Variants in TBC1D14 observed in about 807,000 individuals in gnomAD.
TBC1D14 encodes the protein TBC1 domain family, member 14.
Under a neutral mutation model 79.0 loss-of-function variants are expected in TBC1D14, and 26 were observed. The observed-to-expected ratio is 0.33, with a 90% CI of 0.24 to 0.46. The LOEUF (loss-of-function observed/expected upper bound fraction) is 0.46, where lower values mean the gene tolerates loss of function less well. TBC1D14 is among the 20% of genes least tolerant of loss of function. The pLI, the probability that TBC1D14 is intolerant of heterozygous loss-of-function variation, is 1.00. For synonymous variants in TBC1D14, 394 were observed against 349.9 expected (o/e 1.13, Z -1.40); for missense variants, 769 against 887.6 (o/e 0.87, Z 1.70).
intron 13 of TBC1D14, among the ~76,000 whole-genome samples, chr4:7,026,730 C>T (rs1445149907): frequency 6.6e-6 from 1 of 152,068 alleles, no homozygotes; most frequent in Non-Finnish European, 1.5e-5. Flanking sequence ...GACCCCGTCT[C>T]TACAAAAAAT....
intron 1 of TBC1D14, among the ~76,000 whole-genome samples, chr4:6,911,440 C>T (rs940670863): frequency 1.1e-4 from 16 of 152,348 alleles, no homozygotes; most frequent in African/African-American, 3.6e-4. Flanking sequence ...CCTCGGTATC[C>T]TCCGCTGTTC....
At chr4:6,924,157 G>A (rs1204421180) in intron 2 of TBC1D14, 46 bp downstream of exon 2, 1 of 1,561,126 alleles carries the variant, frequency 6.4e-7, no homozygotes, top group East Asian at 2.3e-5. Context: ...GTTGAGTCCA[G>A]ACCAGTCTCC....
intron 3 of TBC1D14, among the ~76,000 whole-genome samples, chr4:6,976,405 GAC>G (rs1160745811): frequency 6.6e-6 from 1 of 152,088 alleles, no homozygotes; most frequent in African/African-American, 2.4e-5. Flanking sequence ...TGAAAATAAA[GAC>G]AAAAAAATCA....
chr4:6,972,324 T>C, intron 3 of TBC1D14, among the ~76,000 whole-genome samples: 1 of 152,228 alleles, frequency 6.6e-6, no homozygotes, highest in East Asian at 1.9e-4. Context: ...AAGCAATTCT[T>C]ATCTCTGAGG....
In TBC1D14 at chr4:6,923,382, G is replaced by A; in HGVS notation, c.-8G>A. 6.3e-7 allele frequency: 1 copy of A among 1,581,072 alleles called. No individual in the cohort carries two copies. The highest frequency in any genetic ancestry group is 1.1e-5 in the South Asian group (1 of 87,196). On this transcript the variant is annotated 5_prime_UTR_variant, in exon 2 of 14. Coordinates refer to ENST00000409757, the MANE Select transcript of TBC1D14 (RefSeq NM_020773.3). Reference sequence around the variant, plus strand: ...TTTGTGTTTTTTCTAGTTTCTCCTTGGACCAAGATGACTGATGGAAAACTC... The same window carrying A: ...TTTGTGTTTTTTCTAGTTTCTCCTTAGACCAAGATGACTGATGGAAAACTC...
chr4:7,011,249 AT>A (rs1297867161), intron 11 of TBC1D14, among the ~76,000 whole-genome samples: 1 of 151,292 alleles, frequency 6.6e-6, no homozygotes, highest in Non-Finnish European at 1.5e-5. Flanking sequence ...ATACTCCTTT[AT>A]TTTTTAAAAG....
chr4:7,000,543 G>A (rs1381861188), intron 6 of TBC1D14, among the ~76,000 whole-genome samples: 1 of 152,254 alleles, frequency 6.6e-6, no homozygotes, highest in Non-Finnish European at 1.5e-5. Context: ...CACCACGGGG[G>A]CCTGGTTTGC....
intron 2 of TBC1D14, among the ~76,000 whole-genome samples, chr4:6,941,180 CTTTTTTTTT>C (rs35201238): frequency 8.0e-5 from 7 of 87,758 alleles, no homozygotes; most frequent in African/African-American, 3.6e-4. Flanking sequence ...AGGAAAGCAG[CTTTTTTTTT>C]TTTTTTTTTT....
intron 2 of TBC1D14, among the ~76,000 whole-genome samples, chr4:6,953,820 C>A (rs1229975187): frequency 1.3e-5 from 2 of 152,118 alleles, no homozygotes; most frequent in Non-Finnish European, 2.9e-5. Flanking sequence ...CAGACCTGGC[C>A]GCTGCTTCAC....
At chr4:6,929,252 G>T (rs147796322) in intron 2 of TBC1D14, among the ~76,000 whole-genome samples, 5 of 152,238 alleles carry the variant, frequency 3.3e-5, no homozygotes, top group African/African-American at 1.2e-4. Context: ...GAGCTGAGGG[G>T]TACGTACTTT....
intron 11 of TBC1D14, among the ~76,000 whole-genome samples, chr4:7,012,961 A>G (rs570453946): frequency 6.6e-6 from 1 of 152,230 alleles, no homozygotes; most frequent in South Asian, 2.1e-4. Context: ...TAATTCCTGC[A>G]TGTAAATTTA....
chr4:7,016,162 C>T (rs998548667), intron 12 of TBC1D14, among the ~76,000 whole-genome samples: 2 of 152,218 alleles, frequency 1.3e-5, no homozygotes, highest in Non-Finnish European at 2.9e-5. Context: ...TCTCACTCCA[C>T]TGACCTTTGC....
chr4:7,001,394 G>A (rs1030944678), intron 7 of TBC1D14, 143 bp downstream of exon 7: 5 of 711,954 alleles, frequency 7.0e-6, no homozygotes, highest in Non-Finnish European at 1.2e-5. Context: ...CTTCAGGAGA[G>A]AGGGGCAGTT....
chr4:6,917,743 C>G (rs1046418070), intron 1 of TBC1D14, among the ~76,000 whole-genome samples: 3 of 152,110 alleles, frequency 2.0e-5, no homozygotes, highest in Non-Finnish European at 2.9e-5. Flanking sequence ...TGCAGTTGGT[C>G]GGTCTCCTGG....
At chr4:6,959,927 G>A (rs1208211226) in intron 2 of TBC1D14, among the ~76,000 whole-genome samples, 5 of 152,150 alleles carry the variant, frequency 3.3e-5, no homozygotes, top group African/African-American at 1.2e-4. Flanking sequence ...GTGGTACAAA[G>A]CATTTCATTT....
chr4:7,028,374 A>C (rs1311741759), intron 13 of TBC1D14, among the ~76,000 whole-genome samples: 1 of 151,166 alleles, frequency 6.6e-6, no homozygotes, highest in Non-Finnish European at 1.5e-5. Flanking sequence ...GATAGGAGTT[A>C]GTCTGATGAT....
intron 2 of TBC1D14, among the ~76,000 whole-genome samples, chr4:6,950,730 A>G (rs1390433563): frequency 1.3e-5 from 2 of 152,224 alleles, no homozygotes; most frequent in African/African-American, 4.8e-5. Context: ...TTTCTAATGT[A>G]AAATTAACTT....
chr4:6,996,564 G>T (rs1719066482), intron 5 of TBC1D14, among the ~76,000 whole-genome samples, 157 bp downstream of exon 5: 1 of 151,600 alleles, frequency 6.6e-6, no homozygotes, highest in South Asian at 2.1e-4. Context: ...CATGCGGAAA[G>T]CCCCCACAAG....
chr4:6,996,671 C>T (rs1307278811), intron 5 of TBC1D14, among the ~76,000 whole-genome samples: 1 of 152,214 alleles, frequency 6.6e-6, no homozygotes, highest in Non-Finnish European at 1.5e-5. Context: ...GCAGGGTTTG[C>T]TGGGAGCCTC....
Sources: gnomAD v4.1 joint callset for allele counts (sites outside exome capture counted in the v4.1 genomes callset) on GRCh38, gnomAD v4.1.1 for gene constraint, MANE v1.5 for transcripts, NCBI Gene and HGNC (gene_info 2026-07-23, HGNC 2026-07-21) for gene names.